The following CSMD1 variants were observed in gnomAD, a reference collection of about 807,000 sequenced individuals.
CSMD1 encodes the protein CUB and sushi domain-containing protein 1.
CSMD1 carries 213 observed loss-of-function variants against 417.5 expected under a neutral mutation model. The ratio of observed to expected loss-of-function variants is 0.51; its 90% CI spans 0.46 to 0.57. The LOEUF is 0.57. Among genes scored for constraint, CSMD1 ranks in the 20% least tolerant of loss-of-function variants. CSMD1 has a pLI of 0.00. For missense variants in CSMD1, 6,923 were observed against 4,529.7 expected (o/e 1.53, Z -15.17); for synonymous variants, 2,862 against 1,736.8 (o/e 1.65, Z -16.11).
intron 3 of CSMD1, among the ~76,000 whole-genome samples, chr8:4,262,247 G>C (rs903321926): frequency 6.6e-6 from 1 of 152,124 alleles, no homozygotes; most frequent in East Asian, 1.9e-4. Flanking sequence ...GAAACTCCGG[G>C]GCATGGTGGA....
intron 3 of CSMD1, among the ~76,000 whole-genome samples, chr8:4,128,988 G>A (rs4602907): frequency 0.45 from 66,409 of 149,010 alleles, 14,840 homozygotes; most frequent in African/African-American, 0.47. Context: ...AGGCAGGAGA[G>A]TTGCTTGAAC....
intron 3 of CSMD1, among the ~76,000 whole-genome samples, chr8:4,388,042 T>A (rs955635057): frequency 2.6e-5 from 4 of 152,158 alleles, no homozygotes; most frequent in Admixed American, 2.6e-4. Flanking sequence ...ACCACATTCC[T>A]GATGAATGAA....
intron 1 of CSMD1, among the ~76,000 whole-genome samples, chr8:4,835,268 G>A (rs1247058307): frequency 6.6e-6 from 1 of 152,052 alleles, no homozygotes; most frequent in East Asian, 1.9e-4. Flanking sequence ...ACTAAGGAGA[G>A]GTTACAATAC....
chr8:3,830,742 A>T (rs930757983), intron 5 of CSMD1, among the ~76,000 whole-genome samples: 7 of 152,178 alleles, frequency 4.6e-5, no homozygotes, highest in Non-Finnish European at 7.3e-5. Context: ...AAAATATAAT[A>T]ATTATTCAAA....
intron 3 of CSMD1, among the ~76,000 whole-genome samples, chr8:4,195,487 C>T (rs754577936): frequency 2.0e-5 from 3 of 152,064 alleles, no homozygotes; most frequent in Non-Finnish European, 4.4e-5. Context: ...TGAGTCTCAC[C>T]CTCTGTTGTT....
At position 4,111,840 on chromosome 8, in the gene CSMD1, G is replaced by A. The variant is rs542349548; in HGVS notation, c.416-79741C>T. 4.2e-4 allele frequency among the ~76,000 whole-genome samples: 64 copies of A among 152,232 alleles called. 2 individuals are homozygous for A. Among genetic ancestry groups the A allele is most frequent in the Admixed American group, 4.1e-3 (63 of 15,298 alleles). On this transcript the variant is annotated intron_variant, in intron 3 of 69. Coordinates refer to ENST00000635120, the MANE Select transcript of CSMD1 (RefSeq NM_033225.6). The stretch of plus-strand genomic sequence containing the variant: ...ATGGGGCTTGAATCCTAGGTGATGG[G>A]TTGATAGGTGCCGCAAACCAACATG...
At chr8:4,818,960 C>A (rs980707865) in intron 1 of CSMD1, among the ~76,000 whole-genome samples, 7 of 152,058 alleles carry the variant, frequency 4.6e-5, no homozygotes, top group Non-Finnish European at 5.9e-5. Context: ...TATATTAAAA[C>A]TGTGACTTGA....
At chr8:4,113,860 A>G (rs536429954) in intron 3 of CSMD1, among the ~76,000 whole-genome samples, 13 of 152,312 alleles carry the variant, frequency 8.5e-5, no homozygotes, top group Admixed American at 2.0e-4. Context: ...ATTTTCTTCA[A>G]CTCTATGAAG....
chr8:3,902,493 G>A (rs531329546), intron 5 of CSMD1, among the ~76,000 whole-genome samples: 242 of 152,208 alleles, frequency 1.6e-3, no homozygotes, highest in Non-Finnish European at 2.6e-3. Context: ...GATAGTTTGG[G>A]ATGAAACTTC....
chr8:4,118,841 C>G (rs1469054439), intron 3 of CSMD1, among the ~76,000 whole-genome samples: 3 of 152,150 alleles, frequency 2.0e-5, no homozygotes, highest in Non-Finnish European at 4.4e-5. Context: ...TGGAACCAAC[C>G]CAAATGCTCA....
intron 1 of CSMD1, among the ~76,000 whole-genome samples, chr8:4,964,938 C>T (rs770738944): frequency 6.6e-6 from 1 of 152,122 alleles, no homozygotes; most frequent in Non-Finnish European, 1.5e-5. Flanking sequence ...GGTGAATTAA[C>T]CTTTCTTTGC....
intron 3 of CSMD1, among the ~76,000 whole-genome samples, chr8:4,184,396 A>T (rs772541084): frequency 6.6e-6 from 1 of 152,186 alleles, no homozygotes; most frequent in East Asian, 1.9e-4. Flanking sequence ...CAATTCTAAT[A>T]ATCTGGAGCA....
intron 12 of CSMD1, among the ~76,000 whole-genome samples, chr8:3,450,880 G>A (rs1354172799): frequency 2.0e-5 from 3 of 151,718 alleles, no homozygotes; most frequent in Admixed American, 6.6e-5. Context: ...GATCCCTGAG[G>A]AATCGCCACA....
intron 20 of CSMD1, among the ~76,000 whole-genome samples, chr8:3,362,125 T>G (rs753049594): frequency 3.9e-5 from 6 of 152,130 alleles, no homozygotes; most frequent in Non-Finnish European, 8.8e-5. Context: ...CGTTACACGG[T>G]CAATCTTAAG....
rs150732755 is a variant in CSMD1 at position 3,528,985 on chromosome 8, A to G, written c.1345-35259T>C. Among the ~76,000 whole-genome samples, 1,150 of 152,342 alleles carry G rather than the reference A, an allele frequency of 7.5e-3. 12 individuals carry two copies. The highest frequency in any genetic ancestry group is 0.026 in the South Asian group (127 of 4,832). ...AGTATGACAGTTGATATACATTTAT[A>G]CTGACATATTTTCAGAAGCCCAAAA... On this transcript the variant is annotated intron_variant, in intron 10 of 69. Coordinates refer to ENST00000635120, the MANE Select transcript of CSMD1 (RefSeq NM_033225.6).
intron 5 of CSMD1, among the ~76,000 whole-genome samples, chr8:3,812,528 T>G (rs1221097867): frequency 6.6e-6 from 1 of 152,058 alleles, no homozygotes; most frequent in African/African-American, 2.4e-5. Context: ...TGGGGAAGAG[T>G]TCAAAAGCTA....
At chr8:4,510,608 C>T (rs1052436023) in intron 2 of CSMD1, among the ~76,000 whole-genome samples, 1 of 148,508 alleles carries the variant, frequency 6.7e-6, no homozygotes. Context: ...TCTTGCCTTC[C>T]TTCCCTCCTC....
At chr8:3,271,929 G>C (rs1475436265) in intron 26 of CSMD1, among the ~76,000 whole-genome samples, 4 of 152,096 alleles carry the variant, frequency 2.6e-5, no homozygotes, top group African/African-American at 9.7e-5. Flanking sequence ...AAGCTCTTCA[G>C]TTTAATTAGA....
At chr8:4,518,349 A>T (rs1282429582) in intron 2 of CSMD1, among the ~76,000 whole-genome samples, 3 of 152,308 alleles carry the variant, frequency 2.0e-5, no homozygotes, top group Non-Finnish European at 4.4e-5. Flanking sequence ...TTCTCATAAG[A>T]CAATTTGTGA....
Sources: allele counts gnomAD v4.1 joint callset (sites outside exome capture counted in the v4.1 genomes callset), GRCh38; gene constraint gnomAD v4.1.1; transcripts MANE v1.5; gene names NCBI Gene and HGNC (gene_info 2026-07-23, HGNC 2026-07-21).